Variants in GFPT1 observed in about 807,000 individuals in gnomAD.
GFPT1 encodes glutamine--fructose-6-phosphate transaminase 1.
GFPT1 carries 40 observed loss-of-function variants against 92.0 expected under a neutral mutation model. The observed-to-expected ratio is 0.43, with a 90% CI of 0.34 to 0.57. The LOEUF (loss-of-function observed/expected upper bound fraction) is 0.57. Ranked by LOEUF, GFPT1 falls within the 20% of genes least tolerant of loss-of-function variation. GFPT1 has a pLI of 0.02. For missense variants in GFPT1, 448 were observed against 869.1 expected, an observed-to-expected ratio of 0.52 and a Z score of 6.09; for synonymous variants, 269 against 280.6, an observed-to-expected ratio of 0.96 and a Z score of 0.41.
chr2:69,333,684 C>G (rs528541490), intron 15 of GFPT1, among the ~76,000 whole-genome samples: 115 of 152,240 alleles, frequency 7.6e-4, no homozygotes, highest in African/African-American at 2.5e-3. Context: ...AATTGCTGAA[C>G]CTACCATTTA....
chr2:69,330,039 G>A (rs1304173107), intron 15 of GFPT1, among the ~76,000 whole-genome samples: 49 of 152,046 alleles, frequency 3.2e-4, no homozygotes, highest in Admixed American at 3.1e-3. Context: ...GCAACATAGC[G>A]AAACCCTGTC....
At chr2:69,336,012 A>C (rs1670784066) in intron 15 of GFPT1, among the ~76,000 whole-genome samples, 1 of 147,194 alleles carries the variant, frequency 6.8e-6, no homozygotes, top group Non-Finnish European at 1.5e-5. Flanking sequence ...CTGGATGATA[A>C]AGAGGAGAGA....
At chr2:69,359,416 A>T in intron 4 of GFPT1, 90 bp from the exon 5 acceptor site, 1 of 732,280 alleles carries the variant, frequency 1.4e-6, no homozygotes, top group Middle Eastern at 3.8e-4. Context: ...TTCTCAAGTC[A>T]AAAATTTTTA....
intron 5 of GFPT1, 113 bp from the exon 6 acceptor site, chr2:69,358,576 C>T (rs1435033222): frequency 1.3e-5 from 10 of 743,296 alleles, no homozygotes; most frequent in Non-Finnish European, 6.8e-6. Flanking sequence ...TCTTTGAACA[C>T]CATATCCCAT....
intron 13 of GFPT1, among the ~76,000 whole-genome samples, chr2:69,340,738 G>T (rs992396748): frequency 2.0e-5 from 3 of 151,912 alleles, no homozygotes; most frequent in African/African-American, 7.3e-5. Flanking sequence ...AAACCACAGG[G>T]GGATTTCTAA....
chr2:69,381,219 G>A (rs1214662288), intron 1 of GFPT1, among the ~76,000 whole-genome samples: 1 of 152,198 alleles, frequency 6.6e-6, no homozygotes, highest in African/African-American at 2.4e-5. Flanking sequence ...CTGACCTCAG[G>A]TGATCTGCCC....
At chr2:69,361,635 T>C (rs1667144113) in intron 4 of GFPT1, among the ~76,000 whole-genome samples, 1 of 152,048 alleles carries the variant, frequency 6.6e-6, no homozygotes, top group African/African-American at 2.4e-5. Flanking sequence ...AATTCAACAG[T>C]AAGTATTGAA....
rs752874588 is a variant in GFPT1 at position 69,359,326 on chromosome 2, T to A, written c.350A>T (p.Glu117Val). Residue 117 changes from glutamate to valine, a missense_variant and splice_region_variant, in exon 5 of 20, where the codon GAA becomes GTA. By Grantham distance (121) the Glu-to-Val change is moderately radical (BLOSUM62 -2). Transcript: ENST00000357308. ...GATTCCATTGTGAATAACGATAAAT[T>A]CTAAAAGAGGTAAAAGTGTTGAAGA... ...SHPQRSDKNN[E>V]FIVIHNGIIT... 2 of 1,546,726 alleles carry A rather than the reference T, an allele frequency of 1.3e-6. No individual in the cohort carries two copies. Among genetic ancestry groups the A allele is most frequent in the South Asian group, 2.2e-5 (2 of 89,600 alleles).
rs116374505 is a variant in GFPT1, at chr2:69,320,290, C to T, written c.*5899G>A. On this transcript the variant is annotated 3_prime_UTR_variant, in exon 20 of 20. Transcript: ENST00000357308. The stretch of plus-strand genomic sequence containing the variant: ...TAGTTAAGAACCAAGGAGTTATACC[C>T]AGTTCACAATACTGTTTCCTTCACT... 2.8e-4 allele frequency: 43 copies of T among 152,308 alleles called. No individual in the cohort carries two copies. The highest frequency in any genetic ancestry group is 9.9e-4 in the African/African-American group (41 of 41,564). The allele number at this position is 152,308 out of a possible 1,614,324, so 9.4% of individuals were successfully genotyped here. A position where few individuals can be genotyped will look rare whatever the true frequency, so the allele number is the denominator to read the frequency against.
At chr2:69,330,578 TA>T (rs768965445) in intron 15 of GFPT1, among the ~76,000 whole-genome samples, 565 of 130,412 alleles carry the variant, frequency 4.3e-3, no homozygotes, top group Non-Finnish European at 6.0e-3. Flanking sequence ...AAGTTTGCAT[TA>T]AAAAAAAAAA....
intron 1 of GFPT1, among the ~76,000 whole-genome samples, chr2:69,379,513 TTTAAAA>T (rs1328342215): frequency 2.6e-5 from 4 of 152,144 alleles, no homozygotes; most frequent in African/African-American, 9.7e-5. Flanking sequence ...TTAAGATTTC[TTTAAAA>T]TTAAGTATTA....
chr2:69,326,240 AAAG>A lies in GFPT1; in HGVS notation c.2056-10_2056-8del. 1 of 1,533,264 alleles carries A rather than the reference AAAG, an allele frequency of 6.5e-7. No individual in the cohort carries two copies. Among genetic ancestry groups the A allele is most frequent in the Non-Finnish European group, 8.7e-7 (1 of 1,148,244 alleles). 95.0% of individuals were successfully genotyped at this position (1,533,264 alleles called of 1,614,324 possible). A position where few individuals can be genotyped will look rare whatever the true frequency, so the allele number is the denominator to read the frequency against. ...GATTCCGTGGGAAATCAACCTGCAA[AAAG>A]AAAAAAAAAAAAAGCAAGATTTGAG... is the stretch of plus-strand genomic sequence containing the variant. On this transcript the variant is annotated splice_region_variant and splice_polypyrimidine_tract_variant and intron_variant, in intron 19 of 19. Coordinates refer to ENST00000357308, the MANE Select transcript of GFPT1 (RefSeq NM_001244710.2).
intron 4 of GFPT1, among the ~76,000 whole-genome samples, chr2:69,362,019 C>G (rs1671484442): frequency 6.6e-6 from 1 of 152,096 alleles, no homozygotes; most frequent in South Asian, 2.1e-4. Context: ...TAAATACACA[C>G]ATACACACTT....
chr2:69,327,480 G>A (rs1047562267), intron 18 of GFPT1, among the ~76,000 whole-genome samples: 3 of 151,890 alleles, frequency 2.0e-5, no homozygotes, highest in Admixed American at 6.6e-5. Context: ...AATATATCGC[G>A]TGTGTGTAAT....
chr2:69,363,151 C>A (rs1225405323), intron 4 of GFPT1, among the ~76,000 whole-genome samples: 1 of 152,144 alleles, frequency 6.6e-6, no homozygotes, highest in Non-Finnish European at 1.5e-5. Context: ...GGTTGGAGGG[C>A]AATGGCATGA....
chr2:69,320,339 G>A lies in GFPT1; in HGVS notation c.*5850C>T, dbSNP rs1397813884. Reference sequence around the variant, plus strand: ...CTTGCCCTTTAGATATAATGGATCTGGAATTCTCAATGAGTGTTACATGGT... The same window carrying A: ...CTTGCCCTTTAGATATAATGGATCTAGAATTCTCAATGAGTGTTACATGGT... On this transcript the variant is annotated 3_prime_UTR_variant, in exon 20 of 20. Coordinates refer to ENST00000357308, the MANE Select transcript of GFPT1 (RefSeq NM_001244710.2). 1 of 152,138 alleles carries A rather than the reference G, an allele frequency of 6.6e-6. No individual in the cohort carries two copies. Among genetic ancestry groups the A allele is most frequent in the Non-Finnish European group, 1.5e-5 (1 of 68,040 alleles). The allele number at this position is 152,138 out of a possible 1,614,324, so 9.4% of individuals were successfully genotyped here.
intron 1 of GFPT1, among the ~76,000 whole-genome samples, chr2:69,385,411 C>G (rs6705452): frequency 0.67 from 100,870 of 151,352 alleles, 35,213 homozygotes; most frequent in African/African-American, 0.9. Context: ...TTTTAGTAGA[C>G]ATGGAGTTTC....
chr2:69,347,340 C>T (rs1362493684), intron 11 of GFPT1, among the ~76,000 whole-genome samples: 4 of 151,956 alleles, frequency 2.6e-5, no homozygotes, highest in East Asian at 1.9e-4. Flanking sequence ...CATGAGCCAC[C>T]GTGCCTGGCC....
chr2:69,385,416 A>G (rs1330390896), intron 1 of GFPT1, among the ~76,000 whole-genome samples: 1 of 151,768 alleles, frequency 6.6e-6, no homozygotes, highest in Non-Finnish European at 1.5e-5. Flanking sequence ...GTAGACATGG[A>G]GTTTCACCAC....
Sources: gnomAD v4.1 joint callset for allele counts (sites outside exome capture counted in the v4.1 genomes callset) on GRCh38, gnomAD v4.1.1 for gene constraint, MANE v1.5 for transcripts, NCBI Gene and HGNC (gene_info 2026-07-23, HGNC 2026-07-21) for gene names.